CENPE: variants seen among roughly 807,000 people sequenced by gnomAD.
CENPE encodes the protein centromere protein E.
CENPE carries 145 observed loss-of-function variants against 336.1 expected under a neutral mutation model. That is an observed-to-expected ratio of 0.43 (90% confidence interval 0.38 to 0.50). The LOEUF (loss-of-function observed/expected upper bound fraction) is 0.50, where lower values mean the gene tolerates loss of function less well. Ranked by LOEUF, CENPE falls within the 20% of genes least tolerant of loss-of-function variation. The pLI is 0.00. For synonymous variants in CENPE, 1,013 were observed against 984.8 expected (o/e 1.03, Z -0.54); for missense variants, 2,719 against 3,023.3 (o/e 0.90, Z 2.36).
chr4:103,143,326 C>T lies in CENPE; in HGVS notation c.5226G>A (p.Gly1742=), dbSNP rs1752726076. ...EHQETIDKLR[G]IVSEKTNEIS... ...TTTCATTTGTTTTCTCTGAAACAAT[C>T]CCTCTTAGTTTATCAATAGTTTCTT... Residue 1742 remains glycine, a synonymous_variant, in exon 34 of 49, where the codon GGG becomes GGA. Transcript: ENST00000265148. 1.2e-6 allele frequency: 2 copies of T among 1,603,306 alleles called. No homozygotes were observed. Among genetic ancestry groups the T allele is most frequent in the South Asian group, 2.2e-5 (2 of 90,612 alleles).
At position 103,196,034 on chromosome 4, in the gene CENPE, A is replaced by G. The variant is rs2290943; in HGVS notation, c.243T>C (p.Thr81=). 0.19 allele frequency: 306,326 copies of G among 1,609,960 alleles called. 30,986 individuals carry two copies. The highest frequency in any genetic ancestry group is 0.2 in the Non-Finnish European group (237,725 of 1,176,402). ...IDSAIQGYNG[T]IFAYGQTASG... ...AAGCAGTCTGTCCATAGGCAAATAT[A>G]GTACCTGCAAAAAACAAAACACACA... The change falls in exon 4 of 49, where the codon ACT becomes ACC. Residue 81 remains threonine (T), a synonymous_variant. Coordinates refer to ENST00000265148, the MANE Select transcript of CENPE (RefSeq NM_001813.3).
chr4:103,166,763 G>T (rs182116774), intron 16 of CENPE, among the ~76,000 whole-genome samples: 27 of 152,000 alleles, frequency 1.8e-4, no homozygotes, highest in Admixed American at 1.5e-3. Context: ...TTTTTGAAGG[G>T]GGGATGTTCA....
chr4:103,145,992 A>G lies in CENPE; in HGVS notation c.4250T>C (p.Leu1417Pro). 1.2e-6 allele frequency: 2 copies of G among 1,613,886 alleles called. No individual in the cohort carries two copies. Among genetic ancestry groups the G allele is most frequent in the South Asian group, 2.2e-5 (2 of 91,074 alleles). Reference sequence around the variant, plus strand: ...TCCGAGCATTTCTATTTCTATCCTTAGTAGTGCTGAATCTTTGGGTTTGAA... The same window carrying G: ...TCCGAGCATTTCTATTTCTATCCTTGGTAGTGCTGAATCTTTGGGTTTGAA... ...EQFKPKDSALLRIEIEMLGLS... is the reference protein window; with the variant it reads ...EQFKPKDSALPRIEIEMLGLS... Residue 1417 changes from leucine (L) to proline (P), a missense_variant, in exon 30 of 49, where the codon CTA becomes CCA. Transcript: ENST00000265148.
intron 39 of CENPE, 104 bp from the exon 40 acceptor site, chr4:103,136,463 C>T: frequency 1.2e-5 from 9 of 733,572 alleles, no homozygotes; most frequent in Non-Finnish European, 1.9e-5. Flanking sequence ...TTAACATTTT[C>T]TGTAGGAGAG....
At chr4:103,176,604 C>T (rs1042546960) in intron 14 of CENPE, among the ~76,000 whole-genome samples, 5 of 152,112 alleles carry the variant, frequency 3.3e-5, no homozygotes, top group East Asian at 1.9e-4. Context: ...ACTCTTGTCA[C>T]CCAGGCTGGA....
In CENPE at chr4:103,145,920, G is replaced by C. The variant is rs775942647; in HGVS notation, c.4322C>G (p.Ala1441Gly). Residue 1441 changes from alanine (A) to glycine (G), a missense_variant, in exon 30 of 49, where the codon GCT becomes GGT. This residue lies in a region of CENPE where 2,437 missense variants were observed against 2,513.3 expected (regional missense o/e 0.97). Coordinates refer to ENST00000265148, the MANE Select transcript of CENPE (RefSeq NM_001813.3). ...QESHDEMKSV[A>G]KEKDDLQRLQ... is the part of the protein sequence containing the mutation. ...CCTCTGTAGGTCATCTTTCTCCTTA[G>C]CTACAGATTTCATTTCATCATGACT... 1.4e-5 allele frequency: 23 copies of C among 1,613,646 alleles called. No individual in the cohort carries two copies. The highest frequency in any genetic ancestry group is 1.9e-5 in the Non-Finnish European group (22 of 1,179,836).
In CENPE at chr4:103,148,936, T is replaced by C. The variant is rs575313097; in HGVS notation, c.3751A>G (p.Ile1251Val). The C allele has an allele frequency of 1.2e-6, 2 of 1,613,634 alleles. No homozygotes were observed. Among genetic ancestry groups the C allele is most frequent in the East Asian group, 2.2e-5 (1 of 44,828 alleles). ...GATACGCTTCTTCTTAGTTCATCAATAGTTTCTTGGTGTTCTTTTAGGTGA... is the reference window on the plus strand; with the variant it reads ...GATACGCTTCTTCTTAGTTCATCAACAGTTTCTTGGTGTTCTTTTAGGTGA... ...HIHLKEHQETIDELRRSVSEK... is the reference protein window; with the variant it reads ...HIHLKEHQETVDELRRSVSEK... Residue 1251 changes from isoleucine to valine, a missense_variant, in exon 28 of 49, where the codon ATT becomes GTT. By Grantham distance (29) the Ile-to-Val change is conservative. Transcript: ENST00000265148.
intron 40 of CENPE, among the ~76,000 whole-genome samples, 200 bp from the exon 41 acceptor site, chr4:103,134,092 A>G (rs1578577282): frequency 6.6e-6 from 1 of 152,192 alleles, no homozygotes; most frequent in Admixed American, 6.5e-5. Flanking sequence ...TCCCAGACCT[A>G]TAATTCCTTA....
At chr4:103,126,739 G>A (rs369721125) in intron 42 of CENPE, among the ~76,000 whole-genome samples, 10 of 152,080 alleles carry the variant, frequency 6.6e-5, no homozygotes, top group East Asian at 3.9e-4. Context: ...GAAATTTTGA[G>A]CAAAAAAATA....
chr4:103,128,493 T>A (rs1751321519), intron 42 of CENPE, among the ~76,000 whole-genome samples: 1 of 152,148 alleles, frequency 6.6e-6, no homozygotes, highest in South Asian at 2.1e-4. Context: ...ACATTGAATA[T>A]TTGTGAAGAC....
intron 4 of CENPE, 27 bp from the exon 5 acceptor site, chr4:103,195,260 C>G: frequency 6.4e-7 from 1 of 1,554,314 alleles, no homozygotes; most frequent in South Asian, 1.2e-5. Context: ...TATATAAAAA[C>G]ACCAGGAAGC....
At chr4:103,129,988 ACTCT>A in intron 42 of CENPE, among the ~76,000 whole-genome samples, 1 of 152,272 alleles carries the variant, frequency 6.6e-6, no homozygotes, top group African/African-American at 2.4e-5. Context: ...ATAATTTAAA[ACTCT>A]CAGCAATAGA....
In CENPE at chr4:103,144,536, T is replaced by C; in HGVS notation, c.4940A>G (p.Glu1647Gly). Reference sequence around the variant, plus strand: ...GGTCTCAAATTGCTCCTTCAAGTGTTCTATTTCACACATTTTCTCCTGAGT... The same window carrying C: ...GGTCTCAAATTGCTCCTTCAAGTGTCCTATTTCACACATTTTCTCCTGAGT... ...NETQEKMCEI[E>G]HLKEQFETQK... The change falls in exon 33 of 49, where the codon GAA becomes GGA. Residue 1647 changes from glutamate (E) to glycine (G), a missense_variant. Around this residue, in one of 5 missense-constraint regions of CENPE, gnomAD observed 2,437 missense variants for 2,513.3 expected, o/e 0.97. Coordinates refer to ENST00000265148, the MANE Select transcript of CENPE (RefSeq NM_001813.3). 1 of 1,613,698 alleles carries C rather than the reference T, an allele frequency of 6.2e-7. No individual in the cohort carries two copies. The highest frequency in any genetic ancestry group is 8.5e-7 in the Non-Finnish European group (1 of 1,179,690).
At position 103,161,340 on chromosome 4, in the gene CENPE, T is replaced by G. The variant is rs1754425702; in HGVS notation, c.1960A>C (p.Lys654Gln). 1.2e-6 allele frequency: 2 copies of G among 1,609,882 alleles called. No homozygotes were observed. The highest frequency in any genetic ancestry group is 4.5e-5 in the East Asian group (2 of 44,740). ...ATATTACAAAAAATACTTACCATTTTCTCCTTCAGCTCCAGATTTTCACTT... is the reference window on the plus strand; with the variant it reads ...ATATTACAAAAAATACTTACCATTTGCTCCTTCAGCTCCAGATTTTCACTT... ...LRSENLELKEKMKELATTYKQ... is the reference protein window; with the variant it reads ...LRSENLELKEQMKELATTYKQ... Residue 654 changes from lysine to glutamine, a missense_variant, in exon 19 of 49, where the codon AAA becomes CAA. By Grantham distance (53) the Lys-to-Gln change is moderately conservative. Transcript: ENST00000265148.
At chr4:103,197,946 C>G (rs545215442) in intron 1 of CENPE, among the ~76,000 whole-genome samples, 2 of 152,324 alleles carry the variant, frequency 1.3e-5, no homozygotes, top group Non-Finnish European at 2.9e-5. Context: ...CAGGAAGGCA[C>G]GGTCCCATAC....
intron 16 of CENPE, among the ~76,000 whole-genome samples, chr4:103,165,733 T>C (rs540588689): frequency 4.6e-5 from 7 of 152,140 alleles, no homozygotes; most frequent in African/African-American, 1.7e-4. Flanking sequence ...CCTGTAATCC[T>C]AGCACTTTGG....
intron 1 of CENPE, among the ~76,000 whole-genome samples, chr4:103,197,998 C>T (rs1236697586): frequency 1.3e-5 from 2 of 152,222 alleles, no homozygotes; most frequent in East Asian, 3.8e-4. Context: ...GAGCAGATGC[C>T]GCAAGGCAGA....
chr4:103,174,894 C>T lies in CENPE; in HGVS notation c.1489G>A (p.Glu497Lys), dbSNP rs1442389687. The T allele has an allele frequency of 6.9e-7, 1 of 1,452,276 alleles. No homozygotes were observed. The highest frequency in any genetic ancestry group is 1.5e-5 in the African/African-American group (1 of 67,060). The allele number at this position is 1,452,276 out of a possible 1,614,324, so 90.0% of individuals were successfully genotyped here. A position where few individuals can be genotyped will look rare whatever the true frequency, so the allele number is the denominator to read the frequency against. Residue 497 changes from glutamate (E) to lysine (K), a missense_variant, in exon 16 of 49, where the codon GAA (glutamate) becomes AAA (lysine). Physicochemically the swap from Glu to Lys is moderately conservative, Grantham distance 56 (BLOSUM62 1). Coordinates refer to ENST00000265148, the MANE Select transcript of CENPE (RefSeq NM_001813.3). ...ATKLLNQENI[E>K]SELNSLRADY... ...GCACGAAGTGAGTTCAACTCACTTT[C>T]TATATTCTCCTATTATAAACAAGAA...
intron 48 of CENPE, among the ~76,000 whole-genome samples, chr4:103,107,038 G>T (rs1004801189): frequency 6.6e-6 from 1 of 152,164 alleles, no homozygotes; most frequent in East Asian, 1.9e-4. Context: ...TTTGCAGTTT[G>T]ATGAATTCAC....
Sources: allele counts gnomAD v4.1 joint callset (sites outside exome capture counted in the v4.1 genomes callset), GRCh38; gene constraint gnomAD v4.1.1; regional missense constraint gnomAD v4.1.1; transcripts MANE v1.5; gene names NCBI Gene and HGNC (gene_info 2026-07-23, HGNC 2026-07-21).